Variants in VWF observed in about 807,000 individuals in gnomAD.
VWF encodes von Willebrand factor.
VWF carries 176 observed loss-of-function variants against 308.6 expected under a neutral mutation model. The observed-to-expected ratio is 0.57, with a 90% confidence interval of 0.50 to 0.65. The LOEUF (loss-of-function observed/expected upper bound fraction) is 0.65. Among genes scored for constraint, VWF ranks in the 30% least tolerant of loss-of-function variants. The pLI, the probability that VWF is intolerant of heterozygous loss-of-function variation, is 0.00. For synonymous variants in VWF, 1,385 were observed against 1,443.4 expected (o/e 0.96, Z 0.92); for missense variants, 3,146 against 3,648.2 (o/e 0.86, Z 3.55).
intron 38 of VWF, among the ~76,000 whole-genome samples, chr12:5,989,072 G>C (rs76177381): frequency 0.044 from 6,723 of 152,174 alleles, 492 homozygotes; most frequent in African/African-American, 0.15. Flanking sequence ...GAGGGAAGGA[G>C]GCTACGGGCC....
At chr12:5,964,997 C>G in intron 47 of VWF, among the ~76,000 whole-genome samples, 1 of 152,152 alleles carries the variant, frequency 6.6e-6, no homozygotes, top group Non-Finnish European at 1.5e-5. Context: ...CCCGGCAGGG[C>G]CAGACCACAG....
chr12:5,983,394 T>G (rs1457342336), intron 40 of VWF, 140 bp from the exon 41 acceptor site: 2 of 404,228 alleles, frequency 4.9e-6, no homozygotes, highest in East Asian at 6.4e-5. Context: ...AGAGATTACA[T>G]GGGTTAGGAT....
chr12:5,962,812 G>A (rs971518916), intron 47 of VWF, among the ~76,000 whole-genome samples: 1 of 152,158 alleles, frequency 6.6e-6, no homozygotes, highest in African/African-American at 2.4e-5. Flanking sequence ...GCCTCCCAAA[G>A]TGCTGGGATT....
chr12:6,006,657 T>C (rs764011886), intron 34 of VWF, among the ~76,000 whole-genome samples: 8 of 151,908 alleles, frequency 5.3e-5, no homozygotes, highest in Non-Finnish European at 1.0e-4. Context: ...CACGTGCTTG[T>C]AGTTCCAGCT....
intron 42 of VWF, among the ~76,000 whole-genome samples, chr12:5,980,146 TGAGGGAGGGAGTGAGG>T (rs1943586056): frequency 2.7e-5 from 1 of 37,660 alleles, no homozygotes; most frequent in African/African-American, 1.0e-4. Flanking sequence ...AAGAAAGGAG[TGAGGGAGGGAGTGAGG>T]GAGGGAGGGA....
intron 3 of VWF, among the ~76,000 whole-genome samples, chr12:6,111,711 GA>G (rs1448617842): frequency 2.0e-5 from 3 of 151,214 alleles, no homozygotes; most frequent in Admixed American, 1.3e-4. Context: ...AGCACTTTGG[GA>G]GGCTGAGGCG....
At chr12:6,049,690 C>T (rs746994798) in intron 16 of VWF, among the ~76,000 whole-genome samples, 9 of 152,224 alleles carry the variant, frequency 5.9e-5, no homozygotes, top group Non-Finnish European at 1.2e-4. Flanking sequence ...GCAAGTCATG[C>T]CTGCCCAACA....
intron 2 of VWF, among the ~76,000 whole-genome samples, chr12:6,122,270 T>C (rs983867456): frequency 2.0e-5 from 3 of 152,190 alleles, no homozygotes; most frequent in East Asian, 3.8e-4. Context: ...GTTTTAATAT[T>C]ATAGATAGAT....
At position 6,025,713 on chromosome 12, in the gene VWF, T is replaced by C. The variant is rs772733897; in HGVS notation, c.3109-20A>G. 9 of 1,318,632 alleles carry C rather than the reference T, an allele frequency of 6.8e-6. No individual in the cohort carries two copies. Among genetic ancestry groups the C allele is most frequent in the Admixed American group, 3.6e-5 (2 of 55,178 alleles). 81.7% of individuals were successfully genotyped at this position (1,318,632 alleles called of 1,614,324 possible). ...AGGCACCTGGGAACCAGGCAAGAGATAGGCCAGCCGTCAGCTGGTCAAACT... is the reference window on the plus strand; with the variant it reads ...AGGCACCTGGGAACCAGGCAAGAGACAGGCCAGCCGTCAGCTGGTCAAACT... On this transcript the variant is annotated intron_variant, in intron 23 of 51. Transcript: ENST00000261405.
chr12:6,056,912 G>C lies in VWF; in HGVS notation c.1890C>G (p.Ala630=), dbSNP rs1163904272. The C allele has an allele frequency of 1.2e-5, 19 of 1,529,206 alleles. No individual in the cohort carries two copies. The East Asian group carries it at 3.7e-4, about 30-fold the overall frequency. 94.7% of individuals were successfully genotyped at this position (1,529,206 alleles called of 1,614,324 possible). Reference sequence around the variant, plus strand: ...GCACGCCTCTCCCCGCGCAGGCCGCGGCATAGCTGGCCAGGGCGCCGCACA... The same window carrying C: ...GCACGCCTCTCCCCGCGCAGGCCGCCGCATAGCTGGCCAGGGCGCCGCACA... ...ECLCGALASY[A]AACAGRGVRV... Residue 630 remains alanine, a synonymous_variant, in exon 15 of 52, where the codon GCC becomes GCG. Coordinates refer to ENST00000261405, the MANE Select transcript of VWF (RefSeq NM_000552.5).
chr12:6,078,895 C>A (rs1944874286), intron 6 of VWF, among the ~76,000 whole-genome samples: 1 of 152,172 alleles, frequency 6.6e-6, no homozygotes, highest in Admixed American at 6.5e-5. Context: ...CTGGGAGGTC[C>A]CTGGAGGCAT....
intron 34 of VWF, among the ~76,000 whole-genome samples, chr12:6,002,763 T>C (rs777527485): frequency 2.6e-5 from 4 of 152,168 alleles, no homozygotes; most frequent in Non-Finnish European, 5.9e-5. Flanking sequence ...GATAGTCCGA[T>C]GCTCCATAAA....
At position 5,983,977 on chromosome 12, in the gene VWF, TA is replaced by T. The variant is rs1237879758; in HGVS notation, c.6977-724del. ...TACATAGGATGGATGGATAGATGGA[TA>T]GATAGATAGATAGATAGATAGATAG... On this transcript the variant is annotated intron_variant, in intron 40 of 51. Transcript: ENST00000261405. 3.1e-3 allele frequency among the ~76,000 whole-genome samples: 317 copies of T among 102,040 alleles called. 1 individual carries two copies. Among genetic ancestry groups the T allele is most frequent in the Non-Finnish European group, 5.3e-3 (251 of 47,678 alleles). 66.9% of individuals were successfully genotyped at this position (102,040 alleles called of 152,430 possible).
At chr12:6,107,956 C>A (rs1945262018) in intron 5 of VWF, among the ~76,000 whole-genome samples, 1 of 151,958 alleles carries the variant, frequency 6.6e-6, no homozygotes, top group African/African-American at 2.4e-5. Flanking sequence ...CCGCACCCAG[C>A]CGAAAGATTC....
Position 5,991,923 on chromosome 12 carries a change from A to C in VWF, c.6694T>G (p.Ser2232Ala). The change falls in exon 38 of 52, where the codon TCC becomes GCC. Residue 2232 changes from serine (S) to alanine (A), a missense_variant. Coordinates refer to ENST00000261405, the MANE Select transcript of VWF (RefSeq NM_000552.5). ...TCTGGAGGGCAGAAACAGCCTTCGG[A>C]GGGATGGTCCCCACAGGAGCTCACG... ...GNVSSCGDHP[S>A]EGCFCPPDKV... 7 of 1,614,206 alleles carry C rather than the reference A, an allele frequency of 4.3e-6. No individual in the cohort carries two copies. Among genetic ancestry groups the C allele is most frequent in the Non-Finnish European group, 5.9e-6 (7 of 1,180,032 alleles).
In VWF at chr12:6,114,143, C is replaced by G. The variant is rs375839585; in HGVS notation, c.221-3175G>C. On this transcript the variant is annotated intron_variant, in intron 3 of 51. Transcript: ENST00000261405. ...TCCCTCCTGGAAATGGGAAAGGAACCCCCGTGAGCCCCTCCTTGGTGTTTC... is the reference window on the plus strand; with the variant it reads ...TCCCTCCTGGAAATGGGAAAGGAACGCCCGTGAGCCCCTCCTTGGTGTTTC... Among the ~76,000 whole-genome samples, 33 of 152,288 alleles carry G rather than the reference C, an allele frequency of 2.2e-4. 1 individual carries two copies. In the South Asian group the frequency reaches 6.4e-3, roughly 30 times the overall value.
intron 6 of VWF, among the ~76,000 whole-genome samples, chr12:6,092,618 A>AGAGTGT (rs1301391895): frequency 1.2e-4 from 8 of 66,150 alleles, no homozygotes; most frequent in Non-Finnish European, 1.7e-4. Context: ...AGTGAGTGAG[A>AGAGTGT]GTGTGTGTGT....
At position 6,011,674 on chromosome 12, in the gene VWF, T is replaced by A. The variant is rs149799233; in HGVS notation, c.5785A>T (p.Asn1929Tyr). 4.9e-5 allele frequency: 79 copies of A among 1,613,648 alleles called. No individual in the cohort carries two copies. Among genetic ancestry groups the A allele is most frequent in the Admixed American group, 1.3e-4 (8 of 59,986 alleles). ...CDRGLRPSCP[N>Y]SQSPVKVEET... ...TCCACTTTAACAGGGGACTGGCTGT[T>A]AGGGCACGAAGGCCTCAGCCCCCGG... Residue 1929 changes from asparagine (N) to tyrosine (Y), a missense_variant, in exon 34 of 52, where the codon AAC becomes TAC. This residue lies in a region of VWF where 853 missense variants were observed against 1,177.8 expected (regional missense o/e 0.72). Transcript: ENST00000261405.
In VWF at chr12:6,016,841, G is replaced by A. The variant is rs1272874836; in HGVS notation, c.5083C>T (p.Leu1695Phe). 1 of 1,614,110 alleles carries A rather than the reference G, an allele frequency of 6.2e-7. No homozygotes were observed. The highest frequency in any genetic ancestry group is 1.3e-5 in the African/African-American group (1 of 75,062). The change falls in exon 29 of 52, where the codon CTC becomes TTC. Residue 1695 changes from leucine (L) to phenylalanine (F), a missense_variant. Leu to Phe is a conservative substitution (Grantham distance 22, BLOSUM62 0). Around this residue, in one of 3 missense-constraint regions of VWF, gnomAD observed 853 missense variants for 1,177.8 expected, o/e 0.72. Transcript: ENST00000261405. ...DCSQPLDVIL[L>F]LDGSSSFPAS... ...GGGAAACTGGAGGAGCCATCCAGGA[G>A]AAGGATCACGTCCAGGGGCTGGCTG... is the stretch of plus-strand genomic sequence containing the variant.
Sources: gnomAD v4.1 joint callset for allele counts (sites outside exome capture counted in the v4.1 genomes callset) on GRCh38, gnomAD v4.1.1 for gene constraint, gnomAD v4.1.1 regional missense constraint, MANE v1.5 for transcripts, NCBI Gene and HGNC (gene_info 2026-07-23, HGNC 2026-07-21) for gene names.